The following CSMD1 variants were observed in gnomAD, a reference collection of about 807,000 sequenced individuals.
CSMD1 encodes CUB and Sushi multiple domains 1, also known as CUB and sushi domain-containing protein 1.
CSMD1 carries 213 observed loss-of-function variants against 417.5 expected under a neutral mutation model. The observed-to-expected ratio is 0.51, with a 90% confidence interval of 0.46 to 0.57. CSMD1 has a LOEUF of 0.57. Among genes scored for constraint, CSMD1 ranks in the 20% least tolerant of loss-of-function variants. The probability of loss-of-function intolerance (pLI) is 0.00; values close to 1 mark genes in which losing one functional copy is unlikely to be tolerated. For missense variants in CSMD1, 6,923 were observed against 4,529.7 expected (o/e 1.53, Z -15.17); for synonymous variants, 2,862 against 1,736.8 (o/e 1.65, Z -16.11).
chr8:4,002,639 C>T (rs188890817), intron 4 of CSMD1, among the ~76,000 whole-genome samples: 2 of 152,176 alleles, frequency 1.3e-5, no homozygotes, highest in South Asian at 2.1e-4. Context: ...TCCCACATAT[C>T]GCTAAAGGAT....
rs143618183 is a variant in CSMD1, at chr8:3,358,651, A to C, written c.3304+501T>G. Among the ~76,000 whole-genome samples the C allele has an allele frequency of 3.0e-3, 458 of 152,326 alleles. 5 individuals carry two copies. The highest frequency in any genetic ancestry group is 0.011 in the African/African-American group (437 of 41,578). ...CAGAACACACTGAAAAAGTGAATTC[A>C]GCATTCAGATGCCTCTTGTGCCCAC... On this transcript the variant is annotated intron_variant, in intron 21 of 69. Coordinates refer to ENST00000635120, the MANE Select transcript of CSMD1 (RefSeq NM_033225.6).
chr8:4,942,830 A>G (rs1222594504), intron 1 of CSMD1, among the ~76,000 whole-genome samples: 1 of 152,234 alleles, frequency 6.6e-6, no homozygotes, highest in Non-Finnish European at 1.5e-5. Context: ...AATAGGTGTT[A>G]ACTAATTCAC....
At chr8:3,207,966 G>A (rs1797398975) in intron 30 of CSMD1, among the ~76,000 whole-genome samples, 1 of 152,078 alleles carries the variant, frequency 6.6e-6, no homozygotes. Context: ...CTCTACCAAC[G>A]CAGATATATC....
rs561965214 is a variant in CSMD1 at position 4,268,082 on chromosome 8, TG to T, written c.415+151870del. 1.2e-3 allele frequency among the ~76,000 whole-genome samples: 183 copies of T among 152,220 alleles called. 1 individual carries two copies. Among genetic ancestry groups the T allele is most frequent in the African/African-American group, 4.3e-3 (177 of 41,552 alleles). On this transcript the variant is annotated intron_variant, in intron 3 of 69. Transcript: ENST00000635120. ...TTCAAAATCCTCGCAATCCACAAAT[TG>T]AAACATTGTTACAAAAAACCTAATC...
At chr8:4,648,341 T>C (rs1478818067) in intron 1 of CSMD1, among the ~76,000 whole-genome samples, 1 of 152,206 alleles carries the variant, frequency 6.6e-6, no homozygotes, top group Admixed American at 6.5e-5. Flanking sequence ...TAGGATATAA[T>C]GACATGATCC....
At chr8:4,167,763 G>C (rs1797535904) in intron 3 of CSMD1, among the ~76,000 whole-genome samples, 1 of 152,158 alleles carries the variant, frequency 6.6e-6, no homozygotes, top group Non-Finnish European at 1.5e-5. Flanking sequence ...ACCAAGGCAG[G>C]AGGATTGCTT....
In CSMD1 at chr8:4,563,871, C is replaced by T. The variant is rs76336779; in HGVS notation, c.302+73471G>A. On this transcript the variant is annotated intron_variant, in intron 2 of 69. Coordinates refer to ENST00000635120, the MANE Select transcript of CSMD1 (RefSeq NM_033225.6). Reference sequence around the variant, plus strand: ...TATCTGCTGAGAAGACTTGGAGTTGCGAAGTAACAAAAGAAGTGTCACTTT... The same window carrying T: ...TATCTGCTGAGAAGACTTGGAGTTGTGAAGTAACAAAAGAAGTGTCACTTT... 8.2e-4 allele frequency among the ~76,000 whole-genome samples: 125 copies of T among 152,132 alleles called. No individual in the cohort carries two copies. In the East Asian group the frequency reaches 0.022, roughly 26 times the overall value.
chr8:3,953,500 G>A (rs1188152048), intron 5 of CSMD1, among the ~76,000 whole-genome samples: 2 of 152,126 alleles, frequency 1.3e-5, no homozygotes, highest in Admixed American at 6.5e-5. Flanking sequence ...GAGTTTGGGG[G>A]TTTCACTGGG....
At chr8:3,439,140 AAAAAAAAAAAAACC>A (rs1563390077) in intron 12 of CSMD1, among the ~76,000 whole-genome samples, 2 of 129,846 alleles carry the variant, frequency 1.5e-5, no homozygotes, top group East Asian at 2.4e-4. Context: ...AAAAAAAAAA[AAAAAAAAAAAAACC>A]AAGAAAAAAA....
At chr8:3,381,247 C>G (rs578207941) in intron 18 of CSMD1, among the ~76,000 whole-genome samples, 102 of 151,906 alleles carry the variant, frequency 6.7e-4, no homozygotes, top group African/African-American at 2.3e-3. Context: ...ATGTCGGTAC[C>G]TGTTCAACAG....
chr8:4,219,474 C>G (rs950675871), intron 3 of CSMD1, among the ~76,000 whole-genome samples: 1 of 152,136 alleles, frequency 6.6e-6, no homozygotes, highest in Non-Finnish European at 1.5e-5. Flanking sequence ...AACTCTAGTC[C>G]TGAATTTCCT....
At chr8:4,291,353 A>T (rs1215196971) in intron 3 of CSMD1, among the ~76,000 whole-genome samples, 1 of 152,190 alleles carries the variant, frequency 6.6e-6, no homozygotes, top group Non-Finnish European at 1.5e-5. Flanking sequence ...GATAAATTAC[A>T]TATAAAAACA....
intron 2 of CSMD1, among the ~76,000 whole-genome samples, chr8:4,440,607 G>T (rs968041027): frequency 6.6e-6 from 1 of 152,180 alleles, no homozygotes; most frequent in Non-Finnish European, 1.5e-5. Flanking sequence ...TCTCTGGAAA[G>T]ATAGGTAGTA....
chr8:3,046,563 G>A (rs1166205154), intron 50 of CSMD1, among the ~76,000 whole-genome samples: 7 of 152,110 alleles, frequency 4.6e-5, no homozygotes, highest in Non-Finnish European at 8.8e-5. Flanking sequence ...CTATCTCTAT[G>A]TACAGGCTGC....
intron 3 of CSMD1, among the ~76,000 whole-genome samples, chr8:4,055,753 T>G (rs1316176562): frequency 6.6e-6 from 1 of 152,134 alleles, no homozygotes; most frequent in Non-Finnish European, 1.5e-5. Context: ...CAGAATGACT[T>G]GACTAGATAC....
At position 4,421,106 on chromosome 8, in the gene CSMD1, A is replaced by G. The variant is rs552969920; in HGVS notation, c.303-1041T>C. The stretch of plus-strand genomic sequence containing the variant: ...AATCCAAACAACTTTCAGACAGTGC[A>G]TTCACATGAAGGAGTAAATGACTGA... On this transcript the variant is annotated intron_variant, in intron 2 of 69. Transcript: ENST00000635120. 2.0e-5 allele frequency among the ~76,000 whole-genome samples: 3 copies of G among 152,176 alleles called. No individual in the cohort carries two copies. In the East Asian group the frequency reaches 5.8e-4, roughly 29 times the overall value.
At chr8:4,676,461 C>G (rs1022394521) in intron 1 of CSMD1, among the ~76,000 whole-genome samples, 1 of 152,090 alleles carries the variant, frequency 6.6e-6, no homozygotes, top group African/African-American at 2.4e-5. Flanking sequence ...TCATTCCTAT[C>G]TTCAACTCTC....
At chr8:4,652,801 G>C (rs1422222725) in intron 1 of CSMD1, among the ~76,000 whole-genome samples, 1 of 152,136 alleles carries the variant, frequency 6.6e-6, no homozygotes, top group Non-Finnish European at 1.5e-5. Flanking sequence ...TGTGGGGATG[G>C]TTTTGGGGCA....
At chr8:3,732,008 G>A (rs1796295980) in intron 6 of CSMD1, among the ~76,000 whole-genome samples, 1 of 151,876 alleles carries the variant, frequency 6.6e-6, no homozygotes, top group South Asian at 2.1e-4. Flanking sequence ...AACATTGTAA[G>A]AAGAGCAGAA....
Sources: allele counts gnomAD v4.1 joint callset (sites outside exome capture counted in the v4.1 genomes callset), GRCh38; gene constraint gnomAD v4.1.1; transcripts MANE v1.5; gene names NCBI Gene and HGNC (gene_info 2026-07-23, HGNC 2026-07-21).